AOC1: variants seen among roughly 807,000 people sequenced by gnomAD.
AOC1 encodes diamine oxidase [copper-containing].
A neutral mutation model predicts 57.1 loss-of-function variants in AOC1; 58 were observed. The observed-to-expected ratio is 1.02, with a 90% confidence interval of 0.82 to 1.26. AOC1 has a LOEUF of 1.26. AOC1 is among the 50% of genes most tolerant of loss of function. The pLI, the probability that AOC1 is intolerant of heterozygous loss-of-function variation, is 0.00. For synonymous variants in AOC1, 401 were observed against 423.4 expected, an observed-to-expected ratio of 0.95 and a Z score of 0.65; for missense variants, 917 against 1,005.3, an observed-to-expected ratio of 0.91 and a Z score of 1.19.
Position 150,852,579 on chromosome 7 carries a change from G to A in AOC1, c.-17+21G>A, listed in dbSNP as rs548030242. The A allele has an allele frequency of 2.6e-5, 4 of 153,382 alleles. No individual in the cohort carries two copies. The highest frequency in any genetic ancestry group is 9.6e-5 in the African/African-American group (4 of 41,596). The allele number at this position is 153,382 out of a possible 1,614,324, so 9.5% of individuals were successfully genotyped here. A position where few individuals can be genotyped will look rare whatever the true frequency, so the allele number is the denominator to read the frequency against. Reference sequence around the variant, plus strand: ...CACAGGTGCGTTCTGATGGGTATTCGGGAGAGTCAAGAAGGGGCTGACCTG... The same window carrying A: ...CACAGGTGCGTTCTGATGGGTATTCAGGAGAGTCAAGAAGGGGCTGACCTG... On this transcript the variant is annotated intron_variant, in intron 1 of 4. Coordinates refer to ENST00000360937, the MANE Select transcript of AOC1 (RefSeq NM_001091.4). The surrounding 1 kb of genome is among the most constrained non-coding windows in gnomAD (Gnocchi z 4.6).
chr7:150,853,534 A>G (rs1426735485), intron 1 of AOC1, among the ~76,000 whole-genome samples: 1 of 151,874 alleles, frequency 6.6e-6, no homozygotes. Context: ...AATCTATTAA[A>G]GTCTATTTTT....
rs930267818 is a variant in AOC1, at chr7:150,860,985, C to T, written c.2032C>T (p.His678Tyr). ...GACGGTGGGCTTCCTGCACATCCCC[C>T]ACTCAGAGGACATTCCCAACACAGC... ...WVTVGFLHIP[H>Y]SEDIPNTATP... The change falls in exon 5 of 5, where the codon CAC becomes TAC. Residue 678 changes from histidine (H) to tyrosine (Y), a missense_variant. Physicochemically the swap from His to Tyr is moderately conservative, Grantham distance 83 (BLOSUM62 2). Coordinates refer to ENST00000360937, the MANE Select transcript of AOC1 (RefSeq NM_001091.4). 6.2e-7 allele frequency: 1 copy of T among 1,613,718 alleles called. No individual in the cohort carries two copies. Among genetic ancestry groups the T allele is most frequent in the Admixed American group, 1.7e-5 (1 of 59,998 alleles).
At position 150,857,369 on chromosome 7, in the gene AOC1, C is replaced by A. The variant is rs1298733387; in HGVS notation, c.899C>A (p.Pro300His). The A allele has an allele frequency of 6.2e-7, 1 of 1,608,096 alleles. No homozygotes were observed. The highest frequency in any genetic ancestry group is 2.2e-5 in the East Asian group (1 of 44,730). Residue 300 changes from proline (P) to histidine (H), a missense_variant, in exon 2 of 5, where the codon CCC (proline) becomes CAC (histidine). By Grantham distance (77) the Pro-to-His change is moderately conservative. Coordinates refer to ENST00000360937, the MANE Select transcript of AOC1 (RefSeq NM_001091.4). The surrounding 1 kb of genome is among the most constrained non-coding windows in gnomAD (Gnocchi z 6.6). ...CCCAGCCCCATCCATGTGAGCGGCC[C>A]CCGCTTGGTCCAGCCCCACGGCCCT... is the stretch of plus-strand genomic sequence containing the variant. Reference protein sequence around the residue: ...DFPSPIHVSGPRLVQPHGPRF... With the variant: ...DFPSPIHVSGHRLVQPHGPRF...
Position 150,856,305 on chromosome 7 carries a change from TG to T in AOC1, c.-16-146del. ...GCCCGACGGCGCTGGGGACTATGCA[TG>T]GGGCCCCAGCTGCCCCAGGACAGCC... On this transcript the variant is annotated intron_variant, in intron 1 of 4. Coordinates refer to ENST00000360937, the MANE Select transcript of AOC1 (RefSeq NM_001091.4). The surrounding 1 kb of genome is among the most constrained non-coding windows in gnomAD (Gnocchi z 5.2). 3 of 996,544 alleles carry T rather than the reference TG, an allele frequency of 3.0e-6. No individual in the cohort carries two copies. The highest frequency in any genetic ancestry group is 4.3e-6 in the Non-Finnish European group (3 of 698,874). 61.7% of individuals were successfully genotyped at this position (996,544 alleles called of 1,614,324 possible). A position where few individuals can be genotyped will look rare whatever the true frequency, so the allele number is the denominator to read the frequency against.
At position 150,861,451 on chromosome 7, in the gene AOC1, C is replaced by T; in HGVS notation, c.*242C>T. 1 of 461,160 alleles carries T rather than the reference C, an allele frequency of 2.2e-6. No homozygotes were observed. The highest frequency in any genetic ancestry group is 3.8e-6 in the Non-Finnish European group (1 of 261,720). 28.6% of individuals were successfully genotyped at this position (461,160 alleles called of 1,614,324 possible). On this transcript the variant is annotated 3_prime_UTR_variant, in exon 5 of 5. Transcript: ENST00000360937. The surrounding 1 kb of genome is among the most constrained non-coding windows in gnomAD (Gnocchi z 4.5). ...ACGCACTCACACGGACATGCACACA[C>T]ATGGCATGTACTTTATTCACACTGG...
At position 150,858,057 on chromosome 7, in the gene AOC1, G is replaced by A; in HGVS notation, c.1570+17G>A. On this transcript the variant is annotated intron_variant, in intron 2 of 4. Transcript: ENST00000360937. ...ATGTGGCAGGTAGGACTCAAAGCGA[G>A]ACTCTCCCGTTCAAACATCTGCATC... 2.7e-6 allele frequency: 4 copies of A among 1,501,936 alleles called. No individual in the cohort carries two copies. Among genetic ancestry groups the A allele is most frequent in the Non-Finnish European group, 3.5e-6 (4 of 1,131,674 alleles). The allele number at this position is 1,501,936 out of a possible 1,614,324, so 93.0% of individuals were successfully genotyped here.
rs539613375 is a variant in AOC1, at chr7:150,854,584, C to T, written c.-16-1871C>T. On this transcript the variant is annotated intron_variant, in intron 1 of 4. Coordinates refer to ENST00000360937, the MANE Select transcript of AOC1 (RefSeq NM_001091.4). ...AAAGGATGTGACACTGGCCCAGAGT[C>T]GGGTGGGAAGGGACAATGTGCAGCT... 3.9e-5 allele frequency among the ~76,000 whole-genome samples: 6 copies of T among 152,138 alleles called. No homozygotes were observed. In the East Asian group the frequency reaches 7.7e-4, roughly 20 times the overall value.
rs138468903 is a variant in AOC1, at chr7:150,854,425, T to C, written c.-17+1867T>C. Among the ~76,000 whole-genome samples, 453 of 152,330 alleles carry C rather than the reference T, an allele frequency of 3.0e-3. 2 individuals are homozygous for C. The highest frequency in any genetic ancestry group is 6.9e-3 in the Admixed American group (105 of 15,310). On this transcript the variant is annotated intron_variant, in intron 1 of 4. Transcript: ENST00000360937. ...GCCCAGCCAACACCTTTCATTTGTC[T>C]ATGAATCAAGAACTGCCCATCGTGT...
Position 150,857,755 on chromosome 7 carries a change from C to G in AOC1, c.1285C>G (p.Arg429Gly). Residue 429 changes from arginine (R) to glycine (G), a missense_variant, in exon 2 of 5, where the codon CGG becomes GGG. By Grantham distance (125) the Arg-to-Gly change is moderately radical. Coordinates refer to ENST00000360937, the MANE Select transcript of AOC1 (RefSeq NM_001091.4). This position sits in a 1 kb window ranked among gnomAD's most constrained non-coding sequence, Gnocchi z 6.6. Reference protein sequence around the residue: ...FEMPTGVPLRRHFNSNFKGGF... With the variant: ...FEMPTGVPLRGHFNSNFKGGF... The stretch of plus-strand genomic sequence containing the variant: ...AATGCCCACAGGGGTGCCCCTTCGG[C>G]GGCACTTTAATTCCAACTTTAAAGG... 2 of 1,614,190 alleles carry G rather than the reference C, an allele frequency of 1.2e-6. No homozygotes were observed. Among genetic ancestry groups the G allele is most frequent in the Non-Finnish European group, 1.7e-6 (2 of 1,180,008 alleles).
At position 150,861,117 on chromosome 7, in the gene AOC1, G is replaced by T; in HGVS notation, c.2164G>T (p.Gly722Cys). The T allele has an allele frequency of 5.0e-6, 8 of 1,614,060 alleles. No homozygotes were observed. Among genetic ancestry groups the T allele is most frequent in the Non-Finnish European group, 6.8e-6 (8 of 1,179,980 alleles). Reference protein sequence around the residue: ...DTVIVWPRDNGPNYVQRWIPE... With the variant: ...DTVIVWPRDNCPNYVQRWIPE... ...TGTGATCGTGTGGCCTCGGGACAAC[G>T]GCCCCAACTACGTCCAGCGCTGGAT... The change falls in exon 5 of 5, where the codon GGC (glycine) becomes TGC (cysteine). Residue 722 changes from glycine (G) to cysteine (C), a missense_variant. Physicochemically the swap from Gly to Cys is radical, Grantham distance 159. Transcript: ENST00000360937. This position sits in a 1 kb window ranked among gnomAD's most constrained non-coding sequence, Gnocchi z 4.5.
chr7:150,860,371 G>A, intron 3 of AOC1, 130 bp from the exon 4 acceptor site: 1 of 1,518,364 alleles, frequency 6.6e-7, no homozygotes, highest in South Asian at 1.2e-5. Flanking sequence ...TGACTCCCAG[G>A]ACAGATGATC....
intron 1 of AOC1, among the ~76,000 whole-genome samples, chr7:150,854,847 A>G (rs1223296997): frequency 1.3e-5 from 2 of 152,204 alleles, no homozygotes; most frequent in African/African-American, 4.8e-5. Context: ...CCGACTTTCC[A>G]GGTGAAATCC....
At chr7:150,860,204 A>T (rs774541389) in intron 3 of AOC1, among the ~76,000 whole-genome samples, 4 of 149,888 alleles carry the variant, frequency 2.7e-5, no homozygotes, top group African/African-American at 4.9e-5. Context: ...AAAGAAAAGA[A>T]GGAAGGAAAG....
chr7:150,858,846 C>A lies in AOC1; in HGVS notation c.1654C>A (p.Pro552Thr). 1 of 1,613,994 alleles carries A rather than the reference C, an allele frequency of 6.2e-7. No individual in the cohort carries two copies. The highest frequency in any genetic ancestry group is 2.2e-5 in the East Asian group (1 of 44,882). ...PWSPRHRVVQ[P>T]TLEQTQYSWE... ...GAGCCCAAGACACCGCGTGGTCCAG[C>A]CAACTCTGGAGCAGACGCAGTACTC... The change falls in exon 3 of 5, where the codon CCA becomes ACA. Residue 552 changes from proline to threonine, a missense_variant. Transcript: ENST00000360937.
In AOC1 at chr7:150,857,411, GC is replaced by G. The variant is rs750516753; in HGVS notation, c.942del (p.Asn315ThrfsTer23). 1.9e-6 allele frequency: 3 copies of G among 1,611,626 alleles called. No homozygotes were observed. The East Asian group carries it at 6.7e-5, about 36-fold the overall frequency. On this transcript the variant is annotated frameshift_variant, in exon 2 of 5. Coordinates refer to ENST00000360937, the MANE Select transcript of AOC1 (RefSeq NM_001091.4). LOFTEE classifies it high-confidence loss of function. This position sits in a 1 kb window ranked among gnomAD's most constrained non-coding sequence, Gnocchi z 6.6. Reference protein sequence around the residue: ...QPHGPRFRLEGNAVLYGGWSF... With the variant: ...QPHGPRFRLEXNAVLYGGWSF... ...CACGGCCCTCGCTTCAGGCTGGAGG[GC>G]AACGCTGTGCTCTACGGCGGCTGGA...
In AOC1 at chr7:150,860,505, C is replaced by T. The variant is rs1563099909; in HGVS notation, c.1861C>T (p.Pro621Ser). 2 of 1,613,934 alleles carry T rather than the reference C, an allele frequency of 1.2e-6. No homozygotes were observed. Among genetic ancestry groups the T allele is most frequent in the Non-Finnish European group, 1.7e-6 (2 of 1,179,904 alleles). The change falls in exon 4 of 5, where the codon CCC becomes TCC. Residue 621 changes from proline to serine, a missense_variant. By Grantham distance (74) the Pro-to-Ser change is moderately conservative. Transcript: ENST00000360937. Reference sequence around the variant, plus strand: ...TGCTTCGCCTGTGCCTGGCAGGTACCCCCTGGCAGTGACCAAGTACCGGGA... The same window carrying T: ...TGCTTCGCCTGTGCCTGGCAGGTACTCCCTGGCAGTGACCAAGTACCGGGA... ...EEQAITWARY[P>S]LAVTKYRESE...
At chr7:150,859,320 GA>G (rs943132857) in intron 3 of AOC1, among the ~76,000 whole-genome samples, 1 of 152,150 alleles carries the variant, frequency 6.6e-6, no homozygotes, top group Non-Finnish European at 1.5e-5. Context: ...ACCACTAACA[GA>G]AACATTCCGT....
chr7:150,860,287 C>T (rs966331675), intron 3 of AOC1, among the ~76,000 whole-genome samples: 8 of 142,092 alleles, frequency 5.6e-5, no homozygotes, highest in Admixed American at 7.9e-5. Context: ...GCCTGTGTCT[C>T]TGTGCATTTG....
At position 150,859,702 on chromosome 7, in the gene AOC1, C is replaced by CAA. The variant is rs71196733; in HGVS notation, c.1856+672_1856+673dup. ...TGGGCAACAGAGCAAGACTAGTTCT[C>CAA]AAAAAAAAAAAAAAAAAAATCCTAA... On this transcript the variant is annotated intron_variant, in intron 3 of 4. Transcript: ENST00000360937. 110 of 103,996 alleles carry CAA rather than the reference C, an allele frequency of 1.1e-3. 2 individuals are homozygous for CAA. Among genetic ancestry groups the CAA allele is most frequent in the Middle Eastern group, 5.4e-3 (2 of 372 alleles). The allele number at this position is 103,996 out of a possible 1,614,324, so 6.4% of individuals were successfully genotyped here. A position where few individuals can be genotyped will look rare whatever the true frequency, so the allele number is the denominator to read the frequency against.
Sources: allele counts gnomAD v4.1 joint callset (sites outside exome capture counted in the v4.1 genomes callset), GRCh38; gene constraint gnomAD v4.1.1; non-coding constraint Gnocchi (gnomAD v3.1); transcripts MANE v1.5; gene names NCBI Gene and HGNC (gene_info 2026-07-23, HGNC 2026-07-21).